DTNA: variants seen among roughly 807,000 people sequenced by gnomAD.
The protein encoded by DTNA is dystrophin-related protein 3.
Under a neutral mutation model 100.7 loss-of-function variants are expected in DTNA, and 43 were observed. The observed-to-expected ratio is 0.43, with a 90% CI of 0.33 to 0.55. The LOEUF is 0.55. Among genes scored for constraint, DTNA ranks in the 20% least tolerant of loss-of-function variants. The pLI is 0.04. For missense variants in DTNA, 798 were observed against 953.9 expected (o/e 0.84, Z 2.15); for synonymous variants, 349 against 347.9 (o/e 1.00, Z -0.04).
chr18:34,866,325 A>T, intron 17 of DTNA: 10 of 1,448,852 alleles, frequency 6.9e-6, no homozygotes, highest in Non-Finnish European at 7.2e-6. Context: ...TATAACTATC[A>T]CTACTATCCA....
At chr18:34,745,690 T>C (rs1409816063) in intron 1 of DTNA, among the ~76,000 whole-genome samples, 1 of 152,222 alleles carries the variant, frequency 6.6e-6, no homozygotes, top group East Asian at 1.9e-4. Flanking sequence ...CTTGGGCAGT[T>C]GCTCTGTAGA....
chr18:34,862,702 A>G (rs145311539), intron 16 of DTNA, among the ~76,000 whole-genome samples: 1 of 152,282 alleles, frequency 6.6e-6, no homozygotes, highest in East Asian at 1.9e-4. Context: ...CATGAGGCTG[A>G]TGGCGGAGGA....
At chr18:34,740,328 ACC>A (rs1469551159) in intron 1 of DTNA, among the ~76,000 whole-genome samples, 1 of 152,048 alleles carries the variant, frequency 6.6e-6, no homozygotes, top group Non-Finnish European at 1.5e-5. Context: ...TGGCTTGAGT[ACC>A]CCCTGGGAAA....
intron 1 of DTNA, among the ~76,000 whole-genome samples, chr18:34,654,034 T>C (rs2073998382): frequency 6.6e-6 from 1 of 152,156 alleles, no homozygotes; most frequent in Non-Finnish European, 1.5e-5. Context: ...TTCAGAGTGT[T>C]CCTATGAGAG....
In DTNA at chr18:34,630,507, G is replaced by A. The variant is rs538107375; in HGVS notation, c.-1-125469G>A. Among the ~76,000 whole-genome samples, 4 of 152,326 alleles carry A rather than the reference G, an allele frequency of 2.6e-5. No homozygotes were observed. In the South Asian group the frequency reaches 8.3e-4, roughly 32 times the overall value. Reference sequence around the variant, plus strand: ...AAGAGTTGGGAATAGTGATGGAAAGGATTTGAAAGGGGAGACTAGTAGCAA... The same window carrying A: ...AAGAGTTGGGAATAGTGATGGAAAGAATTTGAAAGGGGAGACTAGTAGCAA... On this transcript the variant is annotated intron_variant, in intron 1 of 19. Transcript: ENST00000283365.
chr18:34,611,335 G>A (rs977448227), intron 1 of DTNA, among the ~76,000 whole-genome samples: 16 of 152,164 alleles, frequency 1.1e-4, no homozygotes, highest in Middle Eastern at 3.4e-3. Context: ...TTTTAGACAG[G>A]TTCATTCACC....
intron 21 of DTNA, among the ~76,000 whole-genome samples, chr18:34,883,137 T>A (rs1454025956): frequency 6.6e-6 from 1 of 152,172 alleles, no homozygotes; most frequent in East Asian, 1.9e-4. Flanking sequence ...ACTACCTTGT[T>A]TGTCTTCCTG....
intron 1 of DTNA, among the ~76,000 whole-genome samples, chr18:34,746,514 TAC>T (rs570896957): frequency 7.3e-4 from 111 of 152,242 alleles, no homozygotes; most frequent in Non-Finnish European, 1.1e-3. Context: ...TGCACACATG[TAC>T]ACAGTCATTC....
intron 1 of DTNA, among the ~76,000 whole-genome samples, chr18:34,503,812 T>G (rs1041033106): frequency 2.0e-5 from 3 of 151,902 alleles, no homozygotes; most frequent in Non-Finnish European, 4.4e-5. Context: ...TTTTTAAGTG[T>G]ATCACTGTAC....
At chr18:34,526,558 T>C (rs1432664936) in intron 1 of DTNA, among the ~76,000 whole-genome samples, 1 of 152,118 alleles carries the variant, frequency 6.6e-6, no homozygotes, top group Non-Finnish European at 1.5e-5. Context: ...ATTACTGTTA[T>C]TAGAATTAAT....
In DTNA at chr18:34,755,616, G is replaced by A. The variant is rs2092715299; in HGVS notation, c.-1-360G>A. ...CTGTTGAATGGGATCCACAATATCT[G>A]TTCTCCAGTCATAGGTATTCTTAAA... On this transcript the variant is annotated intron_variant, in intron 1 of 22. Coordinates refer to ENST00000444659, the MANE Select transcript of DTNA (RefSeq NM_001386795.1). The A allele has an allele frequency of 2.0e-5, 6 of 301,704 alleles. 1 individual carries two copies. The highest frequency in any genetic ancestry group is 1.9e-4 in the South Asian group (6 of 31,160). 18.7% of individuals were successfully genotyped at this position (301,704 alleles called of 1,614,324 possible).
At chr18:34,513,616 A>G (rs2041306968) in intron 1 of DTNA, 2 of 152,122 alleles carry the variant, frequency 1.3e-5, no homozygotes, top group Non-Finnish European at 2.9e-5. Context: ...GTCTATGTAC[A>G]GTTGGATCAC....
chr18:34,708,092 T>A (rs1167437488), upstream of DTNA: 7 of 152,254 alleles, frequency 4.6e-5, no homozygotes, highest in African/African-American at 9.6e-5. Flanking sequence ...CAGGCTTTTT[T>A]AACCCCTGGC....
intron 1 of DTNA, among the ~76,000 whole-genome samples, chr18:34,592,126 G>A (rs1451541945): frequency 6.6e-6 from 1 of 152,146 alleles, no homozygotes; most frequent in Non-Finnish European, 1.5e-5. Context: ...GTTGCCTAGA[G>A]TTGGCAGCCA....
At chr18:34,642,538 CTTCCTTCCTTCTTTCTTTCT>C (rs2059396996) in intron 1 of DTNA, among the ~76,000 whole-genome samples, 1 of 144,084 alleles carries the variant, frequency 6.9e-6, no homozygotes, top group East Asian at 2.0e-4. Flanking sequence ...TCTTTCTTTC[CTTCCTTCCTTCTTTCTTTCT>C]TTCTTTTCTT....
intron 1 of DTNA, among the ~76,000 whole-genome samples, chr18:34,540,567 A>T (rs1480594649): frequency 1.3e-5 from 2 of 151,990 alleles, no homozygotes; most frequent in Admixed American, 1.3e-4. Context: ...ACACATTATC[A>T]TAGTCCTTAA....
At chr18:34,556,591 G>A (rs2046081162) in intron 1 of DTNA, among the ~76,000 whole-genome samples, 2 of 151,972 alleles carry the variant, frequency 1.3e-5, no homozygotes, top group South Asian at 4.2e-4. Context: ...GTCAGCATTT[G>A]CTTGTCTATA....
intron 1 of DTNA, among the ~76,000 whole-genome samples, chr18:34,704,648 C>T (rs1200124852): frequency 1.3e-5 from 2 of 152,072 alleles, no homozygotes; most frequent in Non-Finnish European, 2.9e-5. Flanking sequence ...AGATTGTAGG[C>T]CATTTATATT....
chr18:34,827,982 T>G (rs1402277979), intron 10 of DTNA, among the ~76,000 whole-genome samples: 1 of 152,150 alleles, frequency 6.6e-6, no homozygotes, highest in African/African-American at 2.4e-5. Context: ...GAAGTCACGT[T>G]CATAGTCCTC....
Sources: gnomAD v4.1 joint callset for allele counts (sites outside exome capture counted in the v4.1 genomes callset) on GRCh38, gnomAD v4.1.1 for gene constraint, MANE v1.5 for transcripts, NCBI Gene and HGNC (gene_info 2026-07-23, HGNC 2026-07-21) for gene names.